Variants in ITGBL1 observed in about 807,000 individuals in gnomAD.
ITGBL1 encodes the protein integrin subunit beta like 1.
In ITGBL1, 51 loss-of-function variants were observed where a neutral mutation model predicts 68.5. The observed-to-expected ratio is 0.74, with a 90% CI of 0.59 to 0.94. ITGBL1 has a LOEUF of 0.94. Among genes scored for constraint, ITGBL1 ranks in the 40% least tolerant of loss-of-function variants. The pLI, the probability that ITGBL1 is intolerant of heterozygous loss-of-function variation, is 0.00. For synonymous variants in ITGBL1, 209 were observed against 227.3 expected (o/e 0.92, Z 0.72); for missense variants, 649 against 647.4 (o/e 1.00, Z -0.03).
chr13:101,597,799 T>C (rs901739928), intron 6 of ITGBL1, among the ~76,000 whole-genome samples: 9 of 151,962 alleles, frequency 5.9e-5, no homozygotes, highest in Non-Finnish European at 1.3e-4. Context: ...TGATCTTCCC[T>C]CCTCGCCCTC....
intron 7 of ITGBL1, among the ~76,000 whole-genome samples, chr13:101,617,861 A>G (rs1450836736): frequency 6.6e-6 from 1 of 152,174 alleles, no homozygotes. Context: ...ACCTGAGGAG[A>G]CAGTAGTGAA....
intron 8 of ITGBL1, among the ~76,000 whole-genome samples, chr13:101,704,484 T>TAAAAAAAA (rs57687698): frequency 9.5e-5 from 10 of 105,322 alleles, no homozygotes; most frequent in Admixed American, 4.2e-4. Flanking sequence ...ATTCATTCAG[T>TAAAAAAAA]AAAAAAAAAA....
At chr13:101,464,969 C>T (rs1408185780) in intron 2 of ITGBL1, among the ~76,000 whole-genome samples, 1 of 152,180 alleles carries the variant, frequency 6.6e-6, no homozygotes, top group African/African-American at 2.4e-5. Flanking sequence ...ATCAATATCT[C>T]ATTGGGGAAT....
At position 101,567,795 on chromosome 13, in the gene ITGBL1, A is replaced by T. The variant is rs2050205703; in HGVS notation, c.413A>T (p.Lys138Ile). The T allele has an allele frequency of 6.2e-7, 1 of 1,613,276 alleles. No homozygotes were observed. Among genetic ancestry groups the T allele is most frequent in the African/African-American group, 1.3e-5 (1 of 74,866 alleles). Residue 138 changes from lysine (K) to isoleucine (I), a missense_variant, in exon 3 of 11, where the codon AAA becomes ATA. Lys to Ile is a moderately radical substitution (Grantham distance 102). Transcript: ENST00000376180. ...ACTAACTGTGACTTGACAAAGAAGA[A>T]AAGTAACCAAATGTGCAAGAATTCA... ...YPTNCDLTKK[K>I]SNQMCKNSQD...
At chr13:101,454,410 C>T (rs865900945) in intron 2 of ITGBL1, among the ~76,000 whole-genome samples, 2 of 133,640 alleles carry the variant, frequency 1.5e-5, no homozygotes, top group African/African-American at 5.5e-5. Context: ...CCCCCCCCCC[C>T]CCCCCAACTC....
At chr13:101,468,746 A>G (rs1448030387) in intron 2 of ITGBL1, among the ~76,000 whole-genome samples, 1 of 152,196 alleles carries the variant, frequency 6.6e-6, no homozygotes, top group Non-Finnish European at 1.5e-5. Context: ...GTACTGGGCA[A>G]AAGAACCCGT....
intron 2 of ITGBL1, among the ~76,000 whole-genome samples, chr13:101,553,766 G>T (rs1261803420): frequency 6.6e-6 from 1 of 151,444 alleles, no homozygotes; most frequent in South Asian, 2.1e-4. Flanking sequence ...TGTGCCTGCC[G>T]CTGTGTCCAT....
At chr13:101,685,458 A>G (rs1385561356) in intron 7 of ITGBL1, among the ~76,000 whole-genome samples, 1 of 152,100 alleles carries the variant, frequency 6.6e-6, no homozygotes, top group Non-Finnish European at 1.5e-5. Flanking sequence ...GGGCATAAAG[A>G]CAGACCATCT....
chr13:101,705,073 C>T (rs546185195), intron 8 of ITGBL1, among the ~76,000 whole-genome samples: 3 of 152,070 alleles, frequency 2.0e-5, no homozygotes, highest in East Asian at 1.9e-4. Flanking sequence ...CATTCGTATC[C>T]GATGTTTTTC....
At position 101,501,964 on chromosome 13, in the gene ITGBL1, C is replaced by T. The variant is rs138170432; in HGVS notation, c.316+47864C>T. Reference sequence around the variant, plus strand: ...GTTGAATGTAAGCCAGTTCCTTTTCCCCAGAGGCTTCCCTCTCACCTGAAA... The same window carrying T: ...GTTGAATGTAAGCCAGTTCCTTTTCTCCAGAGGCTTCCCTCTCACCTGAAA... On this transcript the variant is annotated intron_variant, in intron 2 of 10. Transcript: ENST00000376180. Among the ~76,000 whole-genome samples the T allele has an allele frequency of 3.8e-3, 584 of 152,118 alleles. 11 individuals carry two copies. Among genetic ancestry groups the T allele is most frequent in the Admixed American group, 0.031 (476 of 15,270 alleles).
At chr13:101,531,989 C>G (rs1395681075) in intron 2 of ITGBL1, among the ~76,000 whole-genome samples, 1 of 152,132 alleles carries the variant, frequency 6.6e-6, no homozygotes, top group East Asian at 1.9e-4. Flanking sequence ...CCACCTCGGC[C>G]TCCCAAAGTG....
Position 101,692,653 on chromosome 13 carries a change from G to A in ITGBL1, c.1084G>A (p.Glu362Lys). The change falls in exon 8 of 11, where the codon GAG becomes AAG. Residue 362 changes from glutamate (E) to lysine (K), a missense_variant. Transcript: ENST00000376180. ...GDRRVYGKTC[E>K]CDDRRCEDLD... The stretch of plus-strand genomic sequence containing the variant: ...TCGCCGGGTGTATGGCAAGACTTGT[G>A]AGTGTGATGATCGCCGCTGTGAAGA... 6.2e-7 allele frequency: 1 copy of A among 1,613,942 alleles called. No individual in the cohort carries two copies. The highest frequency in any genetic ancestry group is 1.3e-5 in the African/African-American group (1 of 75,044).
chr13:101,673,845 A>G (rs2033435867), intron 7 of ITGBL1, among the ~76,000 whole-genome samples: 1 of 152,180 alleles, frequency 6.6e-6, no homozygotes, highest in Non-Finnish European at 1.5e-5. Flanking sequence ...TGATGCTCAA[A>G]TGTGGCTAAA....
intron 7 of ITGBL1, among the ~76,000 whole-genome samples, chr13:101,653,862 TGTTTTTTG>T (rs756120564): frequency 1.0e-4 from 13 of 128,362 alleles, no homozygotes; most frequent in South Asian, 2.6e-4. Context: ...CTACTTTTTT[TGTTTTTTG>T]TTTTTTTTTT....
intron 7 of ITGBL1, among the ~76,000 whole-genome samples, chr13:101,599,536 C>T (rs1461081894): frequency 6.6e-6 from 1 of 151,652 alleles, no homozygotes; most frequent in East Asian, 1.9e-4. Context: ...AATGGTATTG[C>T]CTAGGTTTTC....
intron 2 of ITGBL1, among the ~76,000 whole-genome samples, chr13:101,459,855 T>A (rs114835264): frequency 2.8e-4 from 43 of 152,342 alleles, no homozygotes; most frequent in African/African-American, 9.4e-4. Flanking sequence ...ATTGAAACAT[T>A]TTTAATATGT....
At chr13:101,485,971 A>T (rs200504175) in intron 2 of ITGBL1, among the ~76,000 whole-genome samples, 1 of 152,232 alleles carries the variant, frequency 6.6e-6, no homozygotes, top group African/African-American at 2.4e-5. Flanking sequence ...TAGAACTACC[A>T]TCAATCCAGC....
At position 101,567,745 on chromosome 13, in the gene ITGBL1, G is replaced by GTATGGGGATGC; in HGVS notation, c.365_375dup (p.Cys126MetfsTer13). ...GCAAGTGCAAGTGTGACCAGGGATG[G>GTATGGGGATGC]TATGGGGATGCTTGCCAGTACCCAA... is the stretch of plus-strand genomic sequence containing the variant. On this transcript the variant is annotated frameshift_variant, in exon 3 of 11. Coordinates refer to ENST00000376180, the MANE Select transcript of ITGBL1 (RefSeq NM_004791.3). LOFTEE classifies it high-confidence loss of function. 2 of 1,613,426 alleles carry GTATGGGGATGC rather than the reference G, an allele frequency of 1.2e-6. No individual in the cohort carries two copies. The highest frequency in any genetic ancestry group is 8.5e-7 in the Non-Finnish European group (1 of 1,179,542).
intron 7 of ITGBL1, among the ~76,000 whole-genome samples, chr13:101,658,888 TAA>T (rs1217625085): frequency 6.8e-6 from 1 of 148,084 alleles, no homozygotes; most frequent in Non-Finnish European, 1.5e-5. Context: ...TAATAAATAA[TAA>T]AAAATAATAA....
Sources: allele counts gnomAD v4.1 joint callset (sites outside exome capture counted in the v4.1 genomes callset), GRCh38; gene constraint gnomAD v4.1.1; transcripts MANE v1.5; gene names NCBI Gene and HGNC (gene_info 2026-07-23, HGNC 2026-07-21).